The following TRIB3 variants were observed in gnomAD, a reference collection of about 807,000 sequenced individuals.
TRIB3 encodes tribbles homolog 3.
A neutral mutation model predicts 16.6 loss-of-function variants in TRIB3; 20 were observed. The observed-to-expected ratio is 1.20, with a 90% CI of 0.85 to 1.75. The LOEUF (loss-of-function observed/expected upper bound fraction) is 1.75. TRIB3 is among the 40% of genes most tolerant of loss of function. The pLI is 0.00. For missense variants in TRIB3, 484 were observed against 488.9 expected (o/e 0.99, Z 0.10); for synonymous variants, 208 against 217.0 (o/e 0.96, Z 0.36).
intron 3 of TRIB3, among the ~76,000 whole-genome samples, chr20:395,862 T>C (rs967232206): frequency 6.6e-6 from 1 of 152,172 alleles, no homozygotes; most frequent in African/African-American, 2.4e-5. Flanking sequence ...GTTTCTCTCA[T>C]CTTATTACCT....
At chr20:394,099 C>G (rs562757338) in intron 3 of TRIB3, among the ~76,000 whole-genome samples, 78 of 147,760 alleles carry the variant, frequency 5.3e-4, no homozygotes, top group African/African-American at 1.8e-3. Context: ...GGCACGATCT[C>G]GGCTCACTGC....
intron 1 of TRIB3, chr20:382,346 G>A (rs1304550155): frequency 1.7e-6 from 1 of 586,768 alleles, no homozygotes; most frequent in Non-Finnish European, 3.0e-6. Context: ...GCCCCAACAG[G>A]CTCTGAGGGA....
At chr20:395,466 CACTT>C (rs978530914) in intron 3 of TRIB3, among the ~76,000 whole-genome samples, 1 of 150,318 alleles carries the variant, frequency 6.7e-6, no homozygotes, top group Non-Finnish European at 1.5e-5. Context: ...CAGCCTTACA[CACTT>C]TTTTTTTTGC....
rs1408467172 is a variant in TRIB3, at chr20:388,165, C to T, written c.155C>T (p.Pro52Leu). 1 of 1,614,108 alleles carries T rather than the reference C, an allele frequency of 6.2e-7. No homozygotes were observed. Among genetic ancestry groups the T allele is most frequent in the Non-Finnish European group, 8.5e-7 (1 of 1,180,040 alleles). Residue 52 changes from proline to leucine, a missense_variant, in exon 2 of 4, where the codon CCA becomes CTA. Coordinates refer to ENST00000217233, the MANE Select transcript of TRIB3 (RefSeq NM_021158.5). ...CCCCCCTGCCTGTTGCCCCTGAGCCCACCTACTGCTCCAGATCGTGCAACT... is the reference window on the plus strand; with the variant it reads ...CCCCCCTGCCTGTTGCCCCTGAGCCTACCTACTGCTCCAGATCGTGCAACT... ...RLPPCLLPLSPPTAPDRATAV... is the reference protein window; with the variant it reads ...RLPPCLLPLSLPTAPDRATAV...
chr20:396,058 T>C, intron 3 of TRIB3, 140 bp from the exon 4 acceptor site: 3 of 1,277,562 alleles, frequency 2.3e-6, no homozygotes, highest in Non-Finnish European at 3.2e-6. Flanking sequence ...TAAAACAGGA[T>C]CAGACATCAC....
chr20:394,699 T>C (rs1172905474), intron 3 of TRIB3, among the ~76,000 whole-genome samples: 8 of 151,826 alleles, frequency 5.3e-5, no homozygotes, highest in Admixed American at 2.6e-4. Context: ...GGCAGGAGGA[T>C]TGCTTGAGCC....
At chr20:383,439 TTTTTG>T (rs972411295) in intron 1 of TRIB3, among the ~76,000 whole-genome samples, 4 of 152,262 alleles carry the variant, frequency 2.6e-5, no homozygotes, top group Non-Finnish European at 5.9e-5. Flanking sequence ...TTCATCGTTG[TTTTTG>T]TTTTGTTTTG....
Position 380,991 on chromosome 20 carries a change from G to T in TRIB3, c.-179G>T, listed in dbSNP as rs553210578. ...CCCGGACCGGGGGCCGGGCGCGCACGAGACTCGCAGCGGAAGTGGAGGCGG... is the reference window on the plus strand; with the variant it reads ...CCCGGACCGGGGGCCGGGCGCGCACTAGACTCGCAGCGGAAGTGGAGGCGG... On this transcript the variant is annotated 5_prime_UTR_variant, in exon 1 of 4. An upstream open reading frame in the 5' UTR gains an earlier in-frame stop. Coordinates refer to ENST00000217233, the MANE Select transcript of TRIB3 (RefSeq NM_021158.5). 9.4e-6 allele frequency: 1 copy of T among 105,934 alleles called. No individual in the cohort carries two copies. The highest frequency in any genetic ancestry group is 3.8e-4 in the South Asian group (1 of 2,614). 6.6% of individuals were successfully genotyped at this position (105,934 alleles called of 1,614,324 possible). A position where few individuals can be genotyped will look rare whatever the true frequency, so the allele number is the denominator to read the frequency against.
intron 1 of TRIB3, among the ~76,000 whole-genome samples, chr20:387,475 C>G (rs1289239543): frequency 6.6e-6 from 1 of 150,964 alleles, no homozygotes; most frequent in Non-Finnish European, 1.5e-5. Flanking sequence ...CTACTAGAGT[C>G]CCAGCTACTT....
At chr20:382,495 A>G in intron 1 of TRIB3, 6 of 1,530,858 alleles carry the variant, frequency 3.9e-6, no homozygotes, top group Non-Finnish European at 5.2e-6. Flanking sequence ...TTGAGATGTA[A>G]GGAGTGTCAT....
chr20:387,556 A>T (rs927749268), intron 1 of TRIB3, among the ~76,000 whole-genome samples: 2 of 82,222 alleles, frequency 2.4e-5, no homozygotes, highest in Admixed American at 3.1e-4. Context: ...CTCTTGGGGA[A>T]AAAAAAAAAA....
rs2014618395 is a variant in TRIB3, at chr20:380,901, C to T, written c.-269C>T. The T allele has an allele frequency of 9.1e-6, 1 of 110,210 alleles. No homozygotes were observed. The highest frequency in any genetic ancestry group is 1.8e-5 in the Non-Finnish European group (1 of 55,320). 6.8% of individuals were successfully genotyped at this position (110,210 alleles called of 1,614,324 possible). ...GCTGATTAGCTCCGGTTTGCATCACCCGGACCGGGGGATTAGCTCCGGTTT... is the reference window on the plus strand; with the variant it reads ...GCTGATTAGCTCCGGTTTGCATCACTCGGACCGGGGGATTAGCTCCGGTTT... On this transcript the variant is annotated 5_prime_UTR_variant, in exon 1 of 4. Transcript: ENST00000217233.
chr20:382,562 T>C, intron 1 of TRIB3: 2 of 1,535,742 alleles, frequency 1.3e-6, no homozygotes, highest in Non-Finnish European at 1.7e-6. Context: ...CTTATGCATC[T>C]TGCTGTGAAG....
intron 3 of TRIB3, among the ~76,000 whole-genome samples, chr20:392,882 A>T (rs1417484575): frequency 6.6e-6 from 1 of 152,076 alleles, no homozygotes; most frequent in Non-Finnish European, 1.5e-5. Flanking sequence ...AATTTTTAAA[A>T]GATAATTCTG....
Position 388,102 on chromosome 20 carries a change from T to C in TRIB3, c.92T>C (p.Val31Ala). ...GACAACTTAGATACCGAGCGTCCCG[T>C]CCAGAAACGAGCTCGAAGTGGGCCC... ...LDDNLDTERPVQKRARSGPQP... is the reference protein window; with the variant it reads ...LDDNLDTERPAQKRARSGPQP... Residue 31 changes from valine (V) to alanine (A), a missense_variant, in exon 2 of 4, where the codon GTC (valine) becomes GCC (alanine). Coordinates refer to ENST00000217233, the MANE Select transcript of TRIB3 (RefSeq NM_021158.5). The C allele has an allele frequency of 6.2e-7, 1 of 1,614,098 alleles. No individual in the cohort carries two copies. The highest frequency in any genetic ancestry group is 1.3e-5 in the African/African-American group (1 of 75,038).
rs1393008047 is a variant in TRIB3, at chr20:397,513, G to C, written c.*823G>C. On this transcript the variant is annotated 3_prime_UTR_variant, in exon 4 of 4. Transcript: ENST00000217233. ...CCATACTCTAGGTTTTGGATACCATGAGTATGTATGTTTACCTGTGCCTAA... is the reference window on the plus strand; with the variant it reads ...CCATACTCTAGGTTTTGGATACCATCAGTATGTATGTTTACCTGTGCCTAA... 6.6e-6 allele frequency: 1 copy of C among 152,204 alleles called. No homozygotes were observed. 9.4% of individuals were successfully genotyped at this position (152,204 alleles called of 1,614,324 possible). A position where few individuals can be genotyped will look rare whatever the true frequency, so the allele number is the denominator to read the frequency against.
intron 3 of TRIB3, among the ~76,000 whole-genome samples, chr20:393,883 A>G (rs2015046344): frequency 6.6e-6 from 1 of 152,148 alleles, no homozygotes; most frequent in Admixed American, 6.6e-5. Context: ...ATTGACAAAT[A>G]CCTTGGGGGA....
At position 386,698 on chromosome 20, in the gene TRIB3, A is replaced by G. The variant is rs1424869608; in HGVS notation, c.1-1313A>G. ...AGTGATTCTCCTGTCTCAGCCTCCC[A>G]AGTAGCTGGGATTACAGGCCCACGC... is the stretch of plus-strand genomic sequence containing the variant. On this transcript the variant is annotated intron_variant, in intron 1 of 3. Coordinates refer to ENST00000217233, the MANE Select transcript of TRIB3 (RefSeq NM_021158.5). 4.0e-5 allele frequency among the ~76,000 whole-genome samples: 6 copies of G among 151,520 alleles called. No homozygotes were observed. In the South Asian group the frequency reaches 1.3e-3, roughly 32 times the overall value.
intron 1 of TRIB3, chr20:381,551 G>A (rs1162596036): frequency 7.1e-6 from 1 of 140,198 alleles, no homozygotes; most frequent in Non-Finnish European, 1.5e-5. Flanking sequence ...CTTGTGGGGG[G>A]CACTGGAGGA....
Sources: allele counts gnomAD v4.1 joint callset (sites outside exome capture counted in the v4.1 genomes callset), GRCh38; gene constraint gnomAD v4.1.1; transcripts MANE v1.5; gene names NCBI Gene and HGNC (gene_info 2026-07-23, HGNC 2026-07-21).